VSIG2: variants seen among roughly 807,000 people sequenced by gnomAD.
VSIG2 encodes V-set and immunoglobulin domain containing 2.
In VSIG2, 30 loss-of-function variants were observed where a neutral mutation model predicts 29.4. That is an observed-to-expected ratio of 1.02 (90% CI 0.76 to 1.38). VSIG2 has a LOEUF of 1.38. VSIG2 is among the 40% of genes most tolerant of loss of function. VSIG2 has a pLI of 0.00. For missense variants in VSIG2, 421 were observed against 400.8 expected (o/e 1.05, Z -0.43); for synonymous variants, 178 against 174.2 (o/e 1.02, Z -0.17).
chr11:124,748,185 T>C, intron 6 of VSIG2: 1 of 557,422 alleles, frequency 1.8e-6, no homozygotes, highest in Non-Finnish European at 3.1e-6. Flanking sequence ...CCACAGCTTG[T>C]GGACCAGCCA....
rs748773254 is a variant in VSIG2, at chr11:124,750,811, G to T, written c.330C>A (p.Asp110Glu). 1.2e-6 allele frequency: 2 copies of T among 1,614,126 alleles called. No individual in the cohort carries two copies. Among genetic ancestry groups the T allele is most frequent in the South Asian group, 1.1e-5 (1 of 91,078 alleles). The change falls in exon 3 of 7, where the codon GAC (aspartate) becomes GAA (glutamate). Residue 110 changes from aspartate to glutamate, a missense_variant. Coordinates refer to ENST00000326621, the MANE Select transcript of VSIG2 (RefSeq NM_014312.5). Reference sequence around the variant, plus strand: ...AGGTTCCAGTATCTGAGGGGTGGACGTCAGTCAGTTTCAGTGTGGCCACCC... The same window carrying T: ...AGGTTCCAGTATCTGAGGGGTGGACTTCAGTCAGTTTCAGTGTGGCCACCC... Reference protein sequence around the residue: ...TVGVATLKLTDVHPSDTGTYL... With the variant: ...TVGVATLKLTEVHPSDTGTYL...
chr11:124,747,729 T>C, intron 6 of VSIG2, 62 bp from the exon 7 acceptor site: 1 of 1,546,126 alleles, frequency 6.5e-7, no homozygotes, highest in Non-Finnish European at 8.8e-7. Context: ...AGGGCCGTCC[T>C]CTAACCTGGG....
Position 124,747,508 on chromosome 11 carries a change from C to T in VSIG2, c.*27G>A, listed in dbSNP as rs754352723. The T allele has an allele frequency of 3.1e-5, 49 of 1,590,600 alleles. 1 individual carries two copies. In the Middle Eastern group the frequency reaches 5.0e-4, roughly 16 times the overall value. ...CAGACTTTAATTATTGATATTCCCC[C>T]TCACCGCCCTCAGGGATCGGGAGAA... is the stretch of plus-strand genomic sequence containing the variant. On this transcript the variant is annotated 3_prime_UTR_variant, in exon 7 of 7. Transcript: ENST00000326621.
chr11:124,751,466 C>T lies in VSIG2; in HGVS notation c.176G>A (p.Trp59Ter), dbSNP rs1458208529. 6.2e-7 allele frequency: 1 copy of T among 1,613,042 alleles called. No individual in the cohort carries two copies. The highest frequency in any genetic ancestry group is 8.5e-7 in the Non-Finnish European group (1 of 1,180,016). ...GGGTTTCCCAGGCTGCACAAAGCTC[C>T]ACTCCAGGGCGAAGCTGTCTCCCAC... ...TSVGDSFALE[W>*]SFVQPGKPIS... The change falls in exon 2 of 7, where the codon TGG (tryptophan) becomes TAG (stop). Residue 59 changes from tryptophan (W) to a stop codon, truncating the protein, a stop_gained. Transcript: ENST00000326621. LOFTEE classifies it high-confidence loss of function.
At position 124,747,630 on chromosome 11, in the gene VSIG2, A is replaced by G; in HGVS notation, c.889T>C (p.Cys297Arg). ...CCCTTGCTAGAATCAGCCCTCATAC[A>G]AGTGTGCTCAGAGATCCCAGGAGCG... is the stretch of plus-strand genomic sequence containing the variant. The part of the protein sequence containing the change: ...AIAPGISEHT[C>R]MRADSSKGFL... The change falls in exon 7 of 7, where the codon TGT becomes CGT. Residue 297 changes from cysteine (C) to arginine (R), a missense_variant. Physicochemically the swap from Cys to Arg is radical, Grantham distance 180 (BLOSUM62 -3). Transcript: ENST00000326621. 1 of 1,613,766 alleles carries G rather than the reference A, an allele frequency of 6.2e-7. No individual in the cohort carries two copies. The highest frequency in any genetic ancestry group is 8.5e-7 in the Non-Finnish European group (1 of 1,179,890).
intron 1 of VSIG2, 69 bp from the exon 2 acceptor site, chr11:124,751,649 G>C: frequency 6.8e-7 from 1 of 1,461,510 alleles, no homozygotes; most frequent in Non-Finnish European, 9.1e-7. Flanking sequence ...GCCCACCCCC[G>C]GGCATCTATA....
intron 1 of VSIG2, 68 bp from the exon 2 acceptor site, chr11:124,751,648 C>A: frequency 6.8e-7 from 1 of 1,466,408 alleles, no homozygotes; most frequent in South Asian, 1.4e-5. Context: ...GGCCCACCCC[C>A]GGGCATCTAT....
intron 3 of VSIG2, 86 bp downstream of exon 3, chr11:124,750,624 AAGTC>A (rs1183355571): frequency 1.6e-5 from 23 of 1,422,960 alleles, no homozygotes; most frequent in Admixed American, 4.0e-5. Flanking sequence ...CTTGGGCTAA[AAGTC>A]AGAAACCAGA....
At position 124,750,908 on chromosome 11, in the gene VSIG2, G is replaced by A; in HGVS notation, c.233C>T (p.Thr78Ile). ...ISESHPILYF[T>I]NGHLYPTGSK... ...ACCAGTTGGATACAGATGGCCATTG[G>A]TGAAGTACAGGATCTGGGGAGAGGC... is the stretch of plus-strand genomic sequence containing the variant. The change falls in exon 3 of 7, where the codon ACC (threonine) becomes ATC (isoleucine). Residue 78 changes from threonine to isoleucine, a missense_variant. Physicochemically the swap from Thr to Ile is moderately conservative, Grantham distance 89 (BLOSUM62 -1). Transcript: ENST00000326621. 1 of 1,614,118 alleles carries A rather than the reference G, an allele frequency of 6.2e-7. No individual in the cohort carries two copies.
chr11:124,751,679 T>A (rs1468977727), intron 1 of VSIG2, 99 bp from the exon 2 acceptor site: 2 of 1,281,006 alleles, frequency 1.6e-6, no homozygotes, highest in Non-Finnish European at 2.1e-6. Context: ...GGGGGCTCCC[T>A]CCCCAGAGCA....
intron 1 of VSIG2, 108 bp from the exon 2 acceptor site, chr11:124,751,688 C>A: frequency 8.2e-7 from 1 of 1,223,610 alleles, no homozygotes; most frequent in Non-Finnish European, 1.1e-6. Context: ...CTCCCCAGAG[C>A]ACAACCCTCT....
In VSIG2 at chr11:124,749,984, C is replaced by G. The variant is rs1944066818; in HGVS notation, c.428-118G>C. On this transcript the variant is annotated intron_variant, in intron 3 of 6. Transcript: ENST00000326621. ...TTCAATACCCCTATCAAACAGTGGT[C>G]CTCTTGGGTCCACACACCACTGCAT... 1.4e-5 allele frequency: 16 copies of G among 1,172,166 alleles called. No homozygotes were observed. In the South Asian group the frequency reaches 2.8e-4, roughly 21 times the overall value. 72.6% of individuals were successfully genotyped at this position (1,172,166 alleles called of 1,614,324 possible). A position where few individuals can be genotyped will look rare whatever the true frequency, so the allele number is the denominator to read the frequency against.
rs927362065 is a variant in VSIG2 at position 124,748,324 on chromosome 11, AG to A, written c.851+65del. 32 of 1,497,046 alleles carry A rather than the reference AG, an allele frequency of 2.1e-5. No individual in the cohort carries two copies. The African/African-American group carries it at 3.1e-4, about 14-fold the overall frequency. The allele number at this position is 1,497,046 out of a possible 1,614,324, so 92.7% of individuals were successfully genotyped here. ...AATGATGTCGGAGTTTGAGGGTTGC[AG>A]GCACCCGCTTTTAACTCAAGCCCTT... On this transcript the variant is annotated intron_variant, in intron 6 of 6. Coordinates refer to ENST00000326621, the MANE Select transcript of VSIG2 (RefSeq NM_014312.5).
chr11:124,750,925 G>A lies in VSIG2; in HGVS notation c.220-4C>T, dbSNP rs1944078151. The A allele has an allele frequency of 6.2e-7, 1 of 1,613,710 alleles. No homozygotes were observed. The highest frequency in any genetic ancestry group is 1.7e-5 in the Admixed American group (1 of 59,988). ...GGCCATTGGTGAAGTACAGGATCTGGGGAGAGGCAGAAGACACACATATGT... is the reference window on the plus strand; with the variant it reads ...GGCCATTGGTGAAGTACAGGATCTGAGGAGAGGCAGAAGACACACATATGT... On this transcript the variant is annotated splice_region_variant and splice_polypyrimidine_tract_variant and intron_variant, in intron 2 of 6. Coordinates refer to ENST00000326621, the MANE Select transcript of VSIG2 (RefSeq NM_014312.5).
chr11:124,749,614 CT>C, intron 4 of VSIG2, 93 bp downstream of exon 4: 2 of 1,498,976 alleles, frequency 1.3e-6, no homozygotes, highest in South Asian at 2.6e-5. Flanking sequence ...TGTCATACCC[CT>C]AGTCATGGAA....
chr11:124,749,808 A>G lies in VSIG2; in HGVS notation c.486T>C (p.Thr162=), dbSNP rs746877051. The G allele has an allele frequency of 2.6e-6, 4 of 1,561,004 alleles. No homozygotes were observed. The highest frequency in any genetic ancestry group is 3.5e-6 in the Non-Finnish European group (4 of 1,146,500). The stretch of plus-strand genomic sequence containing the variant: ...CCTCGGAAGAGCTGCATCTCAGTGC[A>G]GTAGAGCCTCCCACAGAGGTTTGTC... ...QSGQTSVGGS[T]ALRCSSSEGA... is the part of the protein sequence containing the mutation. Residue 162 remains threonine (T), a synonymous_variant, in exon 4 of 7, where the codon ACT becomes ACC. Coordinates refer to ENST00000326621, the MANE Select transcript of VSIG2 (RefSeq NM_014312.5).
chr11:124,750,411 C>T (rs570637043), intron 3 of VSIG2, among the ~76,000 whole-genome samples: 5 of 152,266 alleles, frequency 3.3e-5, no homozygotes, highest in Admixed American at 6.5e-5. Context: ...ATCCAACTAC[C>T]GATGAGAGCC....
Position 124,751,589 on chromosome 11 carries a change from G to C in VSIG2, c.62-9C>G. The C allele has an allele frequency of 1.3e-6, 2 of 1,569,200 alleles. No homozygotes were observed. Among genetic ancestry groups the C allele is most frequent in the Non-Finnish European group, 1.7e-6 (2 of 1,160,814 alleles). On this transcript the variant is annotated splice_polypyrimidine_tract_variant and intron_variant, in intron 1 of 6. Coordinates refer to ENST00000326621, the MANE Select transcript of VSIG2 (RefSeq NM_014312.5). Reference sequence around the variant, plus strand: ...CACCTCCACGGCCAGCCCTGGGGCCGGGGACCAGAGGGAGGTGGGAACCCA... The same window carrying C: ...CACCTCCACGGCCAGCCCTGGGGCCCGGGACCAGAGGGAGGTGGGAACCCA...
intron 4 of VSIG2, among the ~76,000 whole-genome samples, chr11:124,749,484 A>G (rs1307359995): frequency 2.0e-5 from 3 of 152,194 alleles, no homozygotes; most frequent in African/African-American, 7.2e-5. Context: ...CCAGGATATC[A>G]GCAGTATATT....
Sources: gnomAD v4.1 joint callset for allele counts (sites outside exome capture counted in the v4.1 genomes callset) on GRCh38, gnomAD v4.1.1 for gene constraint, MANE v1.5 for transcripts, NCBI Gene and HGNC (gene_info 2026-07-23, HGNC 2026-07-21) for gene names.